The following C21orf58 variants were observed in gnomAD, a reference collection of about 807,000 sequenced individuals.
C21orf58 encodes the protein uncharacterized protein C21orf58.
Under a neutral mutation model 35.8 loss-of-function variants are expected in C21orf58, and 34 were observed. That is an observed-to-expected ratio of 0.95 (90% CI 0.72 to 1.26). The LOEUF is 1.26. Ranked by LOEUF, C21orf58 falls within the 50% of genes most tolerant of loss-of-function variation. The pLI is 0.00. For missense variants in C21orf58, 440 were observed against 414.3 expected (o/e 1.06, Z -0.54); for synonymous variants, 191 against 175.8 (o/e 1.09, Z -0.68).
rs369895547 is a variant in C21orf58 at position 46,302,014 on chromosome 21, C to T, written c.954G>A (p.Thr318=). 303 of 1,532,406 alleles carry T rather than the reference C, an allele frequency of 2.0e-4. No homozygotes were observed. Among genetic ancestry groups the T allele is most frequent in the African/African-American group, 7.0e-4 (51 of 72,502 alleles). 94.9% of individuals were successfully genotyped at this position (1,532,406 alleles called of 1,614,324 possible). A position where few individuals can be genotyped will look rare whatever the true frequency, so the allele number is the denominator to read the frequency against. ...TVLQPAPSLW[T]PGPP is the part of the protein sequence containing the mutation. Reference sequence around the variant, plus strand: ...TGACTCACACTCAGGGTGGGCCAGGCGTCCACAGGCTGGGGGCGGGCTGGA... The same window carrying T: ...TGACTCACACTCAGGGTGGGCCAGGTGTCCACAGGCTGGGGGCGGGCTGGA... Residue 318 remains threonine (T), a synonymous_variant, in exon 8 of 8, where the codon ACG becomes ACA. Coordinates refer to ENST00000291691, the MANE Select transcript of C21orf58 (RefSeq NM_058180.5).
chr21:46,302,432 A>G (rs2082147729), intron 7 of C21orf58, 53 bp downstream of exon 7: 3 of 1,413,522 alleles, frequency 2.1e-6, no homozygotes, highest in East Asian at 2.4e-5. Context: ...CAGAAGAAAA[A>G]CCACCCAGGC....
chr21:46,302,687 T>G lies in C21orf58; in HGVS notation c.722-111A>C, dbSNP rs1367455165. On this transcript the variant is annotated intron_variant, in intron 6 of 7. Transcript: ENST00000291691. The stretch of plus-strand genomic sequence containing the variant: ...CAGGTGTGTCTGTACACTGTGCAGG[T>G]CCCCGGGGCAGGCTCTGAGTCCGTC... The G allele has an allele frequency of 3.5e-6, 3 of 857,986 alleles. No homozygotes were observed. The Admixed American group carries it at 6.6e-5, about 19-fold the overall frequency. 53.1% of individuals were successfully genotyped at this position (857,986 alleles called of 1,614,324 possible).
rs952911170 is a variant in C21orf58 at position 46,301,575 on chromosome 21, C to T, written c.*424G>A. The T allele has an allele frequency of 1.0e-6, 1 of 995,846 alleles. No homozygotes were observed. The highest frequency in any genetic ancestry group is 1.7e-5 in the African/African-American group (1 of 57,718). 61.7% of individuals were successfully genotyped at this position (995,846 alleles called of 1,614,324 possible). ...GCTAAAGCTATTGATCTTTTCTGTT[C>T]TGGCTCCTGAGCTGAGATTTTCTTA... On this transcript the variant is annotated 3_prime_UTR_variant, in exon 8 of 8. Transcript: ENST00000291691.
rs2083044777 is a variant in C21orf58, at chr21:46,318,125, C to G, written c.196G>C (p.Gly66Arg). 6.2e-7 allele frequency: 1 copy of G among 1,613,054 alleles called. No homozygotes were observed. The highest frequency in any genetic ancestry group is 1.3e-5 in the African/African-American group (1 of 74,938). ...GGCAGGGGAGGCCACAGCCCACCTC[C>G]CTCCCTGGTTCTGTTACTCGCAGGA... ...FFPASNRTRE[G>R]GGLWPPLPLQ... The change falls in exon 2 of 8, where the codon GGA becomes CGA. Residue 66 changes from glycine to arginine, a missense_variant. By Grantham distance (125) the Gly-to-Arg change is moderately radical (BLOSUM62 -2). Coordinates refer to ENST00000291691, the MANE Select transcript of C21orf58 (RefSeq NM_058180.5).
rs961113208 is a variant in C21orf58, at chr21:46,317,136, G to A, written c.370+72C>T. ...GAGTTGCTGTCCCCACCTCCCCCTG[G>A]AGGTGGCTCCCCCTGGAGTGGCTAC... On this transcript the variant is annotated intron_variant, in intron 3 of 7. Transcript: ENST00000291691. 2.9e-6 allele frequency: 4 copies of A among 1,380,070 alleles called. No individual in the cohort carries two copies. In the African/African-American group the frequency reaches 5.7e-5, roughly 20 times the overall value. The allele number at this position is 1,380,070 out of a possible 1,614,324, so 85.5% of individuals were successfully genotyped here.
At chr21:46,304,312 G>T (rs879349317) in intron 6 of C21orf58, among the ~76,000 whole-genome samples, 1 of 151,940 alleles carries the variant, frequency 6.6e-6, no homozygotes, top group Admixed American at 6.6e-5. Flanking sequence ...TTACAGGCGT[G>T]AGCCACTGCG....
chr21:46,314,131 G>GTTTTTTTTTTGTGT (rs2082865261), intron 5 of C21orf58, among the ~76,000 whole-genome samples: 2 of 145,032 alleles, frequency 1.4e-5, no homozygotes, highest in Admixed American at 7.0e-5. Flanking sequence ...GCATGATAAA[G>GTTTTTTTTTTGTGT]TTTTTTTTTT....
chr21:46,310,046 A>G (rs908457826), intron 6 of C21orf58, among the ~76,000 whole-genome samples: 1 of 152,156 alleles, frequency 6.6e-6, no homozygotes, highest in African/African-American at 2.4e-5. Flanking sequence ...AAACTACTAC[A>G]TAGTGACGGA....
rs768667546 is a variant in C21orf58, at chr21:46,311,533, A to G, written c.644T>C (p.Leu215Pro). ...PQPPATIIQQ[L>P]PQQPLIAQIP... The stretch of plus-strand genomic sequence containing the variant: ...CTGTGCTATGAGTGGCTGCTGAGGG[A>G]GCTGCTGAATGATGGTGGCAGGAGG... Residue 215 changes from leucine (L) to proline (P), a missense_variant, in exon 6 of 8, where the codon CTC (leucine) becomes CCC (proline). Transcript: ENST00000291691. The G allele has an allele frequency of 2.5e-6, 4 of 1,612,006 alleles. No individual in the cohort carries two copies. The East Asian group carries it at 8.9e-5, about 36-fold the overall frequency.
intron 6 of C21orf58, among the ~76,000 whole-genome samples, chr21:46,307,082 C>T (rs1386462962): frequency 6.6e-6 from 1 of 150,482 alleles, no homozygotes; most frequent in Non-Finnish European, 1.5e-5. Flanking sequence ...TTTTAGTAGA[C>T]ACGGGATTTC....
chr21:46,322,210 C>T (rs1165332744), intron 1 of C21orf58, among the ~76,000 whole-genome samples: 1 of 150,880 alleles, frequency 6.6e-6, no homozygotes, highest in Admixed American at 6.6e-5. Context: ...CACCTGAGCC[C>T]GGGGAAGTTG....
intron 6 of C21orf58, among the ~76,000 whole-genome samples, chr21:46,309,975 C>T (rs1024932269): frequency 1.2e-4 from 18 of 151,800 alleles, no homozygotes; most frequent in African/African-American, 2.2e-4. Flanking sequence ...CCAGCCTAGG[C>T]GACAGGCAAG....
intron 3 of C21orf58, among the ~76,000 whole-genome samples, chr21:46,315,943 A>C (rs1212295415): frequency 1.3e-5 from 2 of 152,068 alleles, no homozygotes; most frequent in Non-Finnish European, 2.9e-5. Flanking sequence ...CTCTGGCCCC[A>C]AGTGGTCTAG....
intron 6 of C21orf58, among the ~76,000 whole-genome samples, chr21:46,308,258 C>T (rs985972805): frequency 2.6e-5 from 4 of 152,086 alleles, no homozygotes; most frequent in Admixed American, 6.6e-5. Flanking sequence ...GTCAGGAGTT[C>T]GAGACCAGCC....
At position 46,318,109 on chromosome 21, in the gene C21orf58, G is replaced by A. The variant is rs1372626241; in HGVS notation, c.212C>T (p.Pro71Leu). The change falls in exon 2 of 8, where the codon CCT (proline) becomes CTT (leucine). Residue 71 changes from proline (P) to leucine (L), a missense_variant. Coordinates refer to ENST00000291691, the MANE Select transcript of C21orf58 (RefSeq NM_058180.5). Reference sequence around the variant, plus strand: ...AGGAGACGACTGTAGGGGCAGGGGAGGCCACAGCCCACCTCCCTCCCTGGT... The same window carrying A: ...AGGAGACGACTGTAGGGGCAGGGGAAGCCACAGCCCACCTCCCTCCCTGGT... Reference protein sequence around the residue: ...NRTREGGGLWPPLPLQSSPAA... With the variant: ...NRTREGGGLWLPLPLQSSPAA... The A allele has an allele frequency of 3.7e-6, 6 of 1,613,116 alleles. No individual in the cohort carries two copies. Among genetic ancestry groups the A allele is most frequent in the Non-Finnish European group, 4.2e-6 (5 of 1,180,022 alleles).
chr21:46,322,950 T>G lies in C21orf58; in HGVS notation c.-212A>C. The G allele has an allele frequency of 2.4e-6, 1 of 423,048 alleles. No individual in the cohort carries two copies. The highest frequency in any genetic ancestry group is 4.2e-6 in the Non-Finnish European group (1 of 240,624). The allele number at this position is 423,048 out of a possible 1,614,324, so 26.2% of individuals were successfully genotyped here. A position where few individuals can be genotyped will look rare whatever the true frequency, so the allele number is the denominator to read the frequency against. Reference sequence around the variant, plus strand: ...CACACGGCCCTCCACGACGAACCTTTTGCAAGTGAAGGCGCACGAACAGGC... The same window carrying G: ...CACACGGCCCTCCACGACGAACCTTGTGCAAGTGAAGGCGCACGAACAGGC... On this transcript the variant is annotated 5_prime_UTR_variant, in exon 1 of 8. Transcript: ENST00000291691.
At chr21:46,317,423 A>G in intron 2 of C21orf58, 155 bp from the exon 3 acceptor site, 9 of 1,325,632 alleles carry the variant, frequency 6.8e-6, no homozygotes, top group Non-Finnish European at 8.3e-6. Context: ...AGCCCCTCCG[A>G]GGATCTCCCT....
rs372771033 is a variant in C21orf58, at chr21:46,318,508, A to C, written c.101-288T>G. The stretch of plus-strand genomic sequence containing the variant: ...CAGTCGTGACCCCCTATGCACCACC[A>C]GCCTCAGGACCCAGTCCAGAAGAAC... On this transcript the variant is annotated intron_variant, in intron 1 of 7. Coordinates refer to ENST00000291691, the MANE Select transcript of C21orf58 (RefSeq NM_058180.5). The C allele has an allele frequency of 2.9e-4, 385 of 1,316,334 alleles. 3 individuals are homozygous for C. The South Asian group carries it at 5.6e-3, about 19-fold the overall frequency. The allele number at this position is 1,316,334 out of a possible 1,614,324, so 81.5% of individuals were successfully genotyped here. A position where few individuals can be genotyped will look rare whatever the true frequency, so the allele number is the denominator to read the frequency against.
At position 46,301,392 on chromosome 21, in the gene C21orf58, C is replaced by T. The variant is rs146323299; in HGVS notation, c.*607G>A. ...GAATTCCTGAGCTCAAGTGATCCTC[C>T]TGCCTCAGCCTCTTAAAGTGCTGGG... On this transcript the variant is annotated 3_prime_UTR_variant, in exon 8 of 8. Transcript: ENST00000291691. The T allele has an allele frequency of 9.9e-4, 760 of 771,528 alleles. 5 individuals carry two copies. The African/African-American group carries it at 0.013, about 13-fold the overall frequency. 47.8% of individuals were successfully genotyped at this position (771,528 alleles called of 1,614,324 possible). A position where few individuals can be genotyped will look rare whatever the true frequency, so the allele number is the denominator to read the frequency against.
Sources: allele counts gnomAD v4.1 joint callset (sites outside exome capture counted in the v4.1 genomes callset), GRCh38; gene constraint gnomAD v4.1.1; transcripts MANE v1.5; gene names NCBI Gene and HGNC (gene_info 2026-07-23, HGNC 2026-07-21).